The following CPA6 variants were observed in gnomAD, a reference collection of about 807,000 sequenced individuals.
CPA6 encodes the protein carboxypeptidase B.
CPA6 carries 58 observed loss-of-function variants against 63.3 expected under a neutral mutation model. The observed-to-expected ratio is 0.92, with a 90% CI of 0.74 to 1.14. The LOEUF (loss-of-function observed/expected upper bound fraction) is 1.14. Ranked by LOEUF, CPA6 falls within the 50% of genes most tolerant of loss-of-function variation. The pLI, the probability that CPA6 is intolerant of heterozygous loss-of-function variation, is 0.00. For missense variants in CPA6, 565 were observed against 526.6 expected (o/e 1.07, Z -0.71); for synonymous variants, 185 against 179.0 (o/e 1.03, Z -0.27).
chr8:67,731,332 G>A (rs1817701757), intron 1 of CPA6, among the ~76,000 whole-genome samples: 2 of 152,266 alleles, frequency 1.3e-5, no homozygotes, highest in Non-Finnish European at 2.9e-5. Context: ...ACTATGCAGT[G>A]TGGTTTCACC....
chr8:67,637,860 G>A (rs1319050714), intron 1 of CPA6, among the ~76,000 whole-genome samples: 1 of 151,412 alleles, frequency 6.6e-6, no homozygotes, highest in Non-Finnish European at 1.5e-5. Context: ...CATTAGTTTA[G>A]TGGTTTTGAA....
chr8:67,515,320 C>T (rs987966007), intron 3 of CPA6, among the ~76,000 whole-genome samples: 5 of 152,166 alleles, frequency 3.3e-5, no homozygotes, highest in African/African-American at 1.2e-4. Flanking sequence ...TGTCCCTTCT[C>T]GCCTCCACCT....
intron 1 of CPA6, among the ~76,000 whole-genome samples, chr8:67,694,295 A>G (rs1332008019): frequency 6.6e-6 from 1 of 152,234 alleles, no homozygotes; most frequent in Non-Finnish European, 1.5e-5. Context: ...ATCACAGCAT[A>G]GGCTTTTAGG....
chr8:67,567,879 A>G (rs1485437902), intron 2 of CPA6, among the ~76,000 whole-genome samples: 1 of 152,124 alleles, frequency 6.6e-6, no homozygotes, highest in East Asian at 1.9e-4. Flanking sequence ...TCCTTACCTC[A>G]CGGGGACTGA....
intron 2 of CPA6, among the ~76,000 whole-genome samples, chr8:67,590,266 C>A (rs1423613925): frequency 6.6e-6 from 1 of 150,998 alleles, no homozygotes; most frequent in Non-Finnish European, 1.5e-5. Context: ...ATATGTGCCA[C>A]ATTTTCTTAA....
chr8:67,681,337 G>A (rs1297203799), intron 1 of CPA6, among the ~76,000 whole-genome samples: 2 of 149,358 alleles, frequency 1.3e-5, no homozygotes, highest in Non-Finnish European at 3.0e-5. Context: ...AGCCTCCCGA[G>A]TAGCTGGGAC....
At chr8:67,510,113 T>C (rs959277517) in intron 4 of CPA6, among the ~76,000 whole-genome samples, 17 of 152,174 alleles carry the variant, frequency 1.1e-4, no homozygotes, top group African/African-American at 3.6e-4. Context: ...AAGGTTCTTT[T>C]ACTGAGCTAC....
At chr8:67,572,270 G>T (rs1004612326) in intron 2 of CPA6, among the ~76,000 whole-genome samples, 1 of 152,212 alleles carries the variant, frequency 6.6e-6, no homozygotes, top group African/African-American at 2.4e-5. Context: ...ATGTGGTGGT[G>T]TTGGGAGGTG....
intron 2 of CPA6, among the ~76,000 whole-genome samples, chr8:67,572,998 C>T (rs1813524480): frequency 6.6e-6 from 1 of 152,092 alleles, no homozygotes; most frequent in Non-Finnish European, 1.5e-5. Context: ...ATGAGAGACA[C>T]CATATTAACA....
chr8:67,439,330 G>C (rs1472012664), intron 8 of CPA6, among the ~76,000 whole-genome samples: 1 of 150,950 alleles, frequency 6.6e-6, no homozygotes, highest in African/African-American at 2.4e-5. Context: ...GCTCATGCCT[G>C]TAATCCCAGC....
At chr8:67,454,124 A>G (rs1225757372) in intron 8 of CPA6, among the ~76,000 whole-genome samples, 5 of 152,240 alleles carry the variant, frequency 3.3e-5, no homozygotes, top group African/African-American at 9.6e-5. Context: ...CTCATCTTCT[A>G]TACCAACCCT....
At chr8:67,487,418 C>A (rs993563361) in intron 6 of CPA6, among the ~76,000 whole-genome samples, 2 of 152,130 alleles carry the variant, frequency 1.3e-5, no homozygotes, top group South Asian at 4.1e-4. Context: ...TTCCATGGTG[C>A]ATATGTGCCA....
intron 1 of CPA6, among the ~76,000 whole-genome samples, chr8:67,682,556 G>A (rs998385435): frequency 3.9e-5 from 6 of 152,052 alleles, no homozygotes; most frequent in South Asian, 2.1e-4. Context: ...ATTTTCCTGC[G>A]CTTTTGCATT....
chr8:67,521,359 T>C lies in CPA6; in HGVS notation c.193-3312A>G, dbSNP rs1055455291. Among the ~76,000 whole-genome samples the C allele has an allele frequency of 3.9e-5, 6 of 152,392 alleles. No homozygotes were observed. The East Asian group carries it at 1.2e-3, about 29-fold the overall frequency. ...GAATCCTAGCTCTGGCAGCATTGGC[T>C]ATTTGACTTTGGGGAGGTTAACATT... On this transcript the variant is annotated intron_variant, in intron 2 of 10. Transcript: ENST00000297770.
intron 2 of CPA6, among the ~76,000 whole-genome samples, chr8:67,548,574 A>G (rs1320507849): frequency 1.3e-5 from 2 of 152,162 alleles, no homozygotes; most frequent in Non-Finnish European, 1.5e-5. Context: ...CTTATAAGAA[A>G]GATAACGACC....
intron 1 of CPA6, among the ~76,000 whole-genome samples, chr8:67,672,613 A>G (rs1366749578): frequency 2.0e-5 from 3 of 152,208 alleles, no homozygotes; most frequent in African/African-American, 4.8e-5. Flanking sequence ...GAGGTTTCTC[A>G]TAGAGCTCGG....
At chr8:67,683,737 C>T (rs563572321) in intron 1 of CPA6, among the ~76,000 whole-genome samples, 1 of 152,074 alleles carries the variant, frequency 6.6e-6, no homozygotes, top group Non-Finnish European at 1.5e-5. Context: ...TCTACAGATC[C>T]TATAACACTG....
intron 1 of CPA6, among the ~76,000 whole-genome samples, chr8:67,631,061 A>G (rs1198261447): frequency 6.6e-6 from 1 of 152,160 alleles, no homozygotes; most frequent in Non-Finnish European, 1.5e-5. Flanking sequence ...CCTACTCCAC[A>G]GCACCTGGTC....
At chr8:67,546,713 GTCTC>G (rs1812825495) in intron 2 of CPA6, among the ~76,000 whole-genome samples, 1 of 152,180 alleles carries the variant, frequency 6.6e-6, no homozygotes, top group South Asian at 2.1e-4. Flanking sequence ...AGAGATGGGT[GTCTC>G]TCTGTGTTGC....
Sources: allele counts gnomAD v4.1 joint callset (sites outside exome capture counted in the v4.1 genomes callset), GRCh38; gene constraint gnomAD v4.1.1; transcripts MANE v1.5; gene names NCBI Gene and HGNC (gene_info 2026-07-23, HGNC 2026-07-21).